The following CFAP47 variants were observed in gnomAD, a reference collection of about 807,000 sequenced individuals.
The protein encoded by CFAP47 is cilia- and flagella-associated protein 47.
CFAP47 carries 29 observed loss-of-function variants against 148.1 expected under a neutral mutation model. The ratio of observed to expected loss-of-function variants is 0.20; its 90% CI spans 0.15 to 0.27. CFAP47 has a LOEUF of 0.27. Among genes scored for constraint, CFAP47 ranks in the 10% least tolerant of loss-of-function variants. The probability of loss-of-function intolerance (pLI) is 1.00; values close to 1 mark genes in which losing one functional copy is unlikely to be tolerated. For missense variants in CFAP47, 1,872 were observed against 1,697.5 expected (o/e 1.10, Z -1.81); for synonymous variants, 664 against 577.3 (o/e 1.15, Z -2.15).
chrX:36,012,738 G>T (rs1246878867), intron 21 of CFAP47, among the ~76,000 whole-genome samples: 1 of 111,208 alleles, frequency 9.0e-6, no homozygotes, highest in Non-Finnish European at 1.9e-5. Context: ...CCTAGATGAC[G>T]GGTTGTTAGG....
chrX:36,163,368 A>G (rs1175379640), intron 39 of CFAP47, among the ~76,000 whole-genome samples: 1 of 110,859 alleles, frequency 9.0e-6, no homozygotes, highest in Non-Finnish European at 1.9e-5. Context: ...GATGTTCTCT[A>G]TTGTTTTACT....
At chrX:36,027,560 ATGTGTGTG>A (rs778554446) in intron 22 of CFAP47, among the ~76,000 whole-genome samples, 1 of 108,152 alleles carries the variant, frequency 9.2e-6, no homozygotes, top group Non-Finnish European at 1.9e-5. Context: ...GTGTGCGTGT[ATGTGTGTG>A]TGTGTGTGCA....
chrX:36,371,841 T>C (rs1160518484), intron 62 of CFAP47, among the ~76,000 whole-genome samples: 3 of 75,338 alleles, frequency 4.0e-5, no homozygotes, highest in Non-Finnish European at 7.2e-5. Flanking sequence ...TGTGTGTATA[T>C]GTGTGTATAT....
At chrX:36,350,236 G>A (rs190906343) in intron 59 of CFAP47, 104 bp downstream of exon 59, 6 of 495,724 alleles carry the variant, frequency 1.2e-5, no homozygotes, top group East Asian at 1.1e-4. Flanking sequence ...AGGTAGTAAT[G>A]TGAACAGTCC....
At chrX:36,195,501 A>G (rs1371324673) in intron 42 of CFAP47, among the ~76,000 whole-genome samples, 4 of 112,217 alleles carry the variant, frequency 3.6e-5, no homozygotes, top group Non-Finnish European at 7.5e-5. Flanking sequence ...GCAGGAATCC[A>G]GTGGAAGAAT....
At position 36,385,112 on chromosome X, in the gene CFAP47, C is replaced by T; in HGVS notation, c.*106C>T. ...TAATGGTTTAATTATAATAGGCCTT[C>T]TATATTTCCTTGTCTTTTAAAATTC... On this transcript the variant is annotated 3_prime_UTR_variant, in exon 64 of 64. Coordinates refer to ENST00000378653, the MANE Select transcript of CFAP47 (RefSeq NM_001304548.2). 1 of 490,111 alleles carries T rather than the reference C, an allele frequency of 2.0e-6. No individual in the cohort carries two copies. Among genetic ancestry groups the T allele is most frequent in the South Asian group, 3.5e-5 (1 of 28,416 alleles). 40.4% of individuals were successfully genotyped at this position (490,111 alleles called of 1,213,427 possible).
chrX:36,143,124 G>T (rs757355065), intron 35 of CFAP47, among the ~76,000 whole-genome samples: 3 of 112,066 alleles, frequency 2.7e-5, no homozygotes. Flanking sequence ...AAACTTTATG[G>T]TCCTGGTATA....
At chrX:36,100,256 A>G (rs1272893475) in intron 32 of CFAP47, among the ~76,000 whole-genome samples, 1 of 112,148 alleles carries the variant, frequency 8.9e-6, no homozygotes, top group African/African-American at 3.2e-5. Context: ...GTTGAGAAAT[A>G]CAGTCTCTAG....
intron 2 of CFAP47, among the ~76,000 whole-genome samples, chrX:35,940,646 C>T (rs900920670): frequency 2.7e-5 from 3 of 111,098 alleles, no homozygotes; most frequent in African/African-American, 9.8e-5. Flanking sequence ...GACTCTGTCT[C>T]TCTTTTTCTC....
chrX:36,014,899 C>T lies in CFAP47; in HGVS notation c.3543C>T (p.Tyr1181=), dbSNP rs191080119. 6.8e-6 allele frequency: 2 copies of T among 292,584 alleles called. No individual in the cohort carries two copies. Among genetic ancestry groups the T allele is most frequent in the Non-Finnish European group, 1.2e-5 (2 of 167,773 alleles). 24.1% of individuals were successfully genotyped at this position (292,584 alleles called of 1,213,427 possible). A position where few individuals can be genotyped will look rare whatever the true frequency, so the allele number is the denominator to read the frequency against. ...CAGTACCACTTATCCGACCATGTTA[C>T]GTTCAAGCTACTGGTATGTAATATA... ...PKTVPLIRPC[Y]VQATALQSPL... Residue 1181 remains tyrosine (Y), a synonymous_variant, in exon 22 of 64, where the codon TAC becomes TAT. Transcript: ENST00000378653.
chrX:35,982,541 A>G (rs990488186), intron 15 of CFAP47, among the ~76,000 whole-genome samples: 2 of 111,205 alleles, frequency 1.8e-5, no homozygotes, highest in Admixed American at 9.6e-5. Context: ...GCCAGGGCTT[A>G]TCTCCATAAT....
At chrX:36,187,940 C>T (rs782694898) in intron 40 of CFAP47, among the ~76,000 whole-genome samples, 1 of 111,463 alleles carries the variant, frequency 9.0e-6, no homozygotes, top group East Asian at 2.8e-4. Flanking sequence ...GTTTTGTGTT[C>T]TCAGAAAAAA....
At chrX:36,264,197 T>C (rs782291836) in intron 49 of CFAP47, among the ~76,000 whole-genome samples, 7 of 111,745 alleles carry the variant, frequency 6.3e-5, no homozygotes, top group Non-Finnish European at 1.1e-4. Flanking sequence ...AAGGGGTCTC[T>C]TCTGGAGCTA....
chrX:36,218,024 T>C (rs1341353284), intron 45 of CFAP47, among the ~76,000 whole-genome samples: 1 of 112,226 alleles, frequency 8.9e-6, no homozygotes, highest in Non-Finnish European at 1.9e-5. Context: ...TTTTCCATTA[T>C]TTTAAGTCCT....
At chrX:36,378,209 G>A (rs1942041943) in intron 62 of CFAP47, among the ~76,000 whole-genome samples, 1 of 111,929 alleles carries the variant, frequency 8.9e-6, no homozygotes, top group African/African-American at 3.3e-5. Context: ...AAATTATTTT[G>A]CAATCCTTAT....
intron 63 of CFAP47, among the ~76,000 whole-genome samples, chrX:36,382,991 G>A (rs782621317): frequency 6.9e-4 from 76 of 110,286 alleles, no homozygotes; most frequent in Non-Finnish European, 1.4e-3. Flanking sequence ...TTTTATTTAT[G>A]GTTAAACTGA....
chrX:36,090,873 C>A (rs1389664593), intron 30 of CFAP47, among the ~76,000 whole-genome samples: 1 of 111,393 alleles, frequency 9.0e-6, no homozygotes, highest in African/African-American at 3.3e-5. Flanking sequence ...TTTTAAGAAA[C>A]AAATTTTTTG....
chrX:36,200,859 T>C (rs892850226), intron 43 of CFAP47, among the ~76,000 whole-genome samples: 1 of 111,819 alleles, frequency 8.9e-6, no homozygotes, highest in African/African-American at 3.3e-5. Context: ...CAGTTCTTGA[T>C]TATTTTTCCT....
Position 35,975,702 on chromosome X carries a change from C to T in CFAP47, c.2502C>T (p.Pro834=), listed in dbSNP as rs773888729. ...TCACCTTTACAGTGAACAATGTACC[C>T]AGTGGACACATCCTAGTGGTGGCAG... The part of the protein sequence containing the change: ...KSFTFTVNNV[P]SGHILVVAVV... Residue 834 remains proline (P), a synonymous_variant, in exon 15 of 64, where the codon CCC becomes CCT. Coordinates refer to ENST00000378653, the MANE Select transcript of CFAP47 (RefSeq NM_001304548.2). 52 of 1,206,999 alleles carry T rather than the reference C, an allele frequency of 4.3e-5. 2 individuals carry two copies. In the Admixed American group the frequency reaches 1.1e-3, roughly 26 times the overall value.
Sources: allele counts gnomAD v4.1 joint callset (sites outside exome capture counted in the v4.1 genomes callset), GRCh38; gene constraint gnomAD v4.1.1; transcripts MANE v1.5; gene names NCBI Gene and HGNC (gene_info 2026-07-23, HGNC 2026-07-21).